Variants in LYRM4 observed in about 807,000 individuals in gnomAD.
LYRM4 encodes the protein LYR motif containing 4.
Under a neutral mutation model 11.7 loss-of-function variants are expected in LYRM4, and 9 were observed. That is an observed-to-expected ratio of 0.77 (90% CI 0.46 to 1.34). The LOEUF is 1.34. LYRM4 is among the 40% of genes most tolerant of loss of function. The pLI, the probability that LYRM4 is intolerant of heterozygous loss-of-function variation, is 0.00. For synonymous variants in LYRM4, 42 were observed against 40.4 expected (o/e 1.04, Z -0.15); for missense variants, 133 against 112.5 (o/e 1.18, Z -0.82).
chr6:5,218,548 A>G (rs1762409385), intron 1 of LYRM4: 1 of 203,834 alleles, frequency 4.9e-6, no homozygotes, highest in South Asian at 1.7e-4. Flanking sequence ...CATAAAGGAG[A>G]AGGGAAGAGT....
chr6:5,239,054 G>A (rs765047734), intron 1 of LYRM4, among the ~76,000 whole-genome samples: 1 of 152,200 alleles, frequency 6.6e-6, no homozygotes, highest in Non-Finnish European at 1.5e-5. Flanking sequence ...TATTCTTTCC[G>A]GTGGCAATAG....
At chr6:5,167,240 C>T (rs1264919974) in intron 2 of LYRM4, among the ~76,000 whole-genome samples, 3 of 152,150 alleles carry the variant, frequency 2.0e-5, no homozygotes, top group African/African-American at 4.8e-5. Context: ...TTTTTAAAAG[C>T]ACAGAAGGGC....
intron 1 of LYRM4, among the ~76,000 whole-genome samples, chr6:5,233,465 C>T (rs953329433): frequency 6.6e-6 from 1 of 152,162 alleles, no homozygotes; most frequent in Non-Finnish European, 1.5e-5. Context: ...TGGATTCATT[C>T]GCAGAACCTT....
At chr6:5,166,104 C>T (rs1443299443) in intron 2 of LYRM4, among the ~76,000 whole-genome samples, 3 of 151,994 alleles carry the variant, frequency 2.0e-5, no homozygotes, top group Non-Finnish European at 2.9e-5. Flanking sequence ...TAGCAAGTGC[C>T]GTGAAGAGCT....
intron 2 of LYRM4, among the ~76,000 whole-genome samples, chr6:5,207,766 G>C (rs576352657): frequency 1.3e-5 from 2 of 152,198 alleles, no homozygotes; most frequent in Non-Finnish European, 2.9e-5. Context: ...GGCAGAGAGA[G>C]AGAGAGTTTT....
chr6:5,034,232 C>T, the LYRM4 span: 1 of 152,144 alleles, frequency 6.6e-6, no homozygotes, highest in African/African-American at 2.4e-5. Flanking sequence ...CCAAATACAT[C>T]GAGGCCATGG....
At chr6:5,085,323 G>T in the LYRM4 span, 3 of 554,882 alleles carry the variant, frequency 5.4e-6, no homozygotes. Flanking sequence ...AAAAGCCGGA[G>T]GCTCCAAAGT....
intron 2 of LYRM4, among the ~76,000 whole-genome samples, chr6:5,202,072 G>A (rs566645543): frequency 6.6e-6 from 1 of 152,360 alleles, no homozygotes; most frequent in East Asian, 1.9e-4. Flanking sequence ...AACTGCTTCA[G>A]CCTCCATAAT....
intron 2 of LYRM4, among the ~76,000 whole-genome samples, chr6:5,149,454 A>G (rs1757967339): frequency 6.6e-6 from 1 of 152,238 alleles, no homozygotes; most frequent in Non-Finnish European, 1.5e-5. Context: ...AACCAAGGTC[A>G]GATAGCATGT....
In LYRM4 at chr6:5,220,933, C is replaced by T. The variant is rs115460153; in HGVS notation, c.87-4195G>A. ...GTAGCCTCAAACTCCTGGGCTCAAA[C>T]GATCCTTCCGCCTCACCCTCCCAAG... On this transcript the variant is annotated intron_variant, in intron 1 of 2. Coordinates refer to ENST00000330636, the MANE Select transcript of LYRM4 (RefSeq NM_020408.6). 7.3e-3 allele frequency among the ~76,000 whole-genome samples: 1,119 copies of T among 152,286 alleles called. 15 individuals carry two copies. The highest frequency in any genetic ancestry group is 0.043 in the South Asian group (209 of 4,818).
At chr6:5,068,923 T>TTC in the LYRM4 span, among the ~76,000 whole-genome samples, 20 of 152,350 alleles carry the variant, frequency 1.3e-4, no homozygotes, top group Non-Finnish European at 2.6e-4. This position sits in a 1 kb window ranked among gnomAD's most constrained non-coding sequence, Gnocchi z 4.0. Context: ...TTGATGTTTC[T>TTC]TCTTGCTTCA....
At chr6:5,111,982 C>T (rs1185676068) in intron 2 of LYRM4, among the ~76,000 whole-genome samples, 1 of 152,218 alleles carries the variant, frequency 6.6e-6, no homozygotes, top group Non-Finnish European at 1.5e-5. Context: ...ACAGCACCTA[C>T]ATGGCATGGG....
At chr6:5,144,455 G>T (rs1466203340) in intron 2 of LYRM4, among the ~76,000 whole-genome samples, 3 of 151,728 alleles carry the variant, frequency 2.0e-5, no homozygotes, top group Non-Finnish European at 4.4e-5. Context: ...GGCTAACATG[G>T]TGAATCCCCG....
chr6:5,191,473 A>G (rs149367084), intron 2 of LYRM4, among the ~76,000 whole-genome samples: 3 of 152,324 alleles, frequency 2.0e-5, no homozygotes, highest in African/African-American at 7.2e-5. Context: ...ATGTGTTGTG[A>G]GAGAGTATTT....
chr6:5,239,384 C>T (rs564475546), intron 1 of LYRM4, among the ~76,000 whole-genome samples: 33 of 152,038 alleles, frequency 2.2e-4, no homozygotes, highest in African/African-American at 6.3e-4. Flanking sequence ...AGTTTAGATA[C>T]GAGGTGTTGG....
At chr6:5,188,727 G>A (rs1760569950) in intron 2 of LYRM4, among the ~76,000 whole-genome samples, 1 of 151,994 alleles carries the variant, frequency 6.6e-6, no homozygotes, top group Non-Finnish European at 1.5e-5. Flanking sequence ...TGTAGAGCTT[G>A]GTACACAGTA....
intron 2 of LYRM4, chr6:5,138,595 C>G: frequency 1.8e-6 from 1 of 555,300 alleles, no homozygotes. Context: ...TGAATGATTT[C>G]CAGACTAAGT....
At chr6:5,157,946 G>A (rs1172660347) in intron 2 of LYRM4, among the ~76,000 whole-genome samples, 1 of 152,228 alleles carries the variant, frequency 6.6e-6, no homozygotes, top group Non-Finnish European at 1.5e-5. Context: ...TGCCATCCAG[G>A]AGGTCTAATG....
intron 1 of LYRM4, among the ~76,000 whole-genome samples, chr6:5,223,490 C>G (rs1030722662): frequency 5.9e-5 from 9 of 152,182 alleles, no homozygotes; most frequent in African/African-American, 2.2e-4. Flanking sequence ...TATTCCTCCT[C>G]CACAGGTCGA....
Sources: gnomAD v4.1 joint callset for allele counts (sites outside exome capture counted in the v4.1 genomes callset) on GRCh38, gnomAD v4.1.1 for gene constraint, Gnocchi (gnomAD v3.1) non-coding constraint, MANE v1.5 for transcripts, NCBI Gene and HGNC (gene_info 2026-07-23, HGNC 2026-07-21) for gene names.